GIMAP2: variants seen among roughly 807,000 people sequenced by gnomAD.
GIMAP2 encodes GTPase, IMAP family member 2.
Under a neutral mutation model 25.5 loss-of-function variants are expected in GIMAP2, and 22 were observed. That is an observed-to-expected ratio of 0.86 (90% CI 0.62 to 1.23). The LOEUF is 1.23. Ranked by LOEUF, GIMAP2 falls within the 50% of genes most tolerant of loss-of-function variation. GIMAP2 has a pLI of 0.00. For missense variants in GIMAP2, 422 were observed against 395.7 expected (o/e 1.07, Z -0.56); for synonymous variants, 167 against 143.0 (o/e 1.17, Z -1.20).
In GIMAP2 at chr7:150,692,321, A is replaced by T. The variant is rs564083080; in HGVS notation, c.35A>T (p.His12Leu). The T allele has an allele frequency of 6.2e-7, 1 of 1,613,264 alleles. No individual in the cohort carries two copies. The highest frequency in any genetic ancestry group is 1.1e-5 in the South Asian group (1 of 91,066). The change falls in exon 3 of 3, where the codon CAT (histidine) becomes CTT (leucine). Residue 12 changes from histidine to leucine, a missense_variant. His to Leu is a moderately conservative substitution (Grantham distance 99). Transcript: ENST00000223293. ...GTAAACTTGCTCCTCACAGGACCAC[A>T]TGCAAAGGGCCAATGTGCCAGCAGA... ...DQNEHSHWGP[H>L]AKGQCASRSE...
In GIMAP2 at chr7:150,693,253, T is replaced by A. The variant is rs1489680155; in HGVS notation, c.967T>A (p.Phe323Ile). The A allele has an allele frequency of 3.8e-6, 6 of 1,598,766 alleles. No individual in the cohort carries two copies. The highest frequency in any genetic ancestry group is 5.1e-6 in the Non-Finnish European group (6 of 1,175,396). ...TATTATACCCAAAAAGTTAATGATATTTTTGAGAACAGTTATTAGACTAGA... is the reference window on the plus strand; with the variant it reads ...TATTATACCCAAAAAGTTAATGATAATTTTGAGAACAGTTATTAGACTAGA... Reference protein sequence around the residue: ...LFIIPKKLMIFLRTVIRLERK... With the variant: ...LFIIPKKLMIILRTVIRLERK... Residue 323 changes from phenylalanine (F) to isoleucine (I), a missense_variant, in exon 3 of 3, where the codon TTT becomes ATT. Coordinates refer to ENST00000223293, the MANE Select transcript of GIMAP2 (RefSeq NM_015660.3).
chr7:150,685,823 T>C, intron 1 of GIMAP2, 38 bp downstream of exon 1: 1 of 719,258 alleles, frequency 1.4e-6, no homozygotes, highest in Non-Finnish European at 1.7e-6. Context: ...CAGTGTTGAT[T>C]TCTAGGTCCC....
Position 150,693,275 on chromosome 7 carries a change from T to G in GIMAP2, c.989T>G (p.Leu330Arg). The part of the protein sequence containing the change: ...LMIFLRTVIR[L>R]ERKTPRL ...ATATTTTTGAGAACAGTTATTAGAC[T>G]AGAACGCAAGACTCCTAGGTTATAG... Residue 330 changes from leucine to arginine, a missense_variant, in exon 3 of 3, where the codon CTA becomes CGA. By Grantham distance (102) the Leu-to-Arg change is moderately radical. Coordinates refer to ENST00000223293, the MANE Select transcript of GIMAP2 (RefSeq NM_015660.3). 1 of 1,583,588 alleles carries G rather than the reference T, an allele frequency of 6.3e-7. No individual in the cohort carries two copies. Among genetic ancestry groups the G allele is most frequent in the Non-Finnish European group, 8.6e-7 (1 of 1,169,266 alleles).
In GIMAP2 at chr7:150,686,958, A is replaced by AG. The variant is rs1206278162; in HGVS notation, c.-8-94_-8-93insG. On this transcript the variant is annotated intron_variant, in intron 1 of 2. Coordinates refer to ENST00000223293, the MANE Select transcript of GIMAP2 (RefSeq NM_015660.3). ...AACTGTGTCTCAAAAAAAAAAAAAA[A>AG]AAAAAGAAAGAAAGAAAAAGAAAAG... The AG allele has an allele frequency of 2.9e-3, 2,411 of 839,984 alleles. 2 individuals carry two copies. The highest frequency in any genetic ancestry group is 0.011 in the East Asian group (384 of 34,658). 52.0% of individuals were successfully genotyped at this position (839,984 alleles called of 1,614,324 possible). A position where few individuals can be genotyped will look rare whatever the true frequency, so the allele number is the denominator to read the frequency against.
Position 150,693,210 on chromosome 7 carries a change from A to C in GIMAP2, c.924A>C (p.Leu308Phe), listed in dbSNP as rs758581648. Residue 308 changes from leucine to phenylalanine, a missense_variant, in exon 3 of 3, where the codon TTA becomes TTC. Transcript: ENST00000223293. The part of the protein sequence containing the change: ...FCCLLFSMCN[L>F]FCSLLFIIPK... Reference sequence around the variant, plus strand: ...GCTTACTCTTTAGTATGTGCAATTTATTCTGCAGTTTGCTGTTTATTATAC... The same window carrying C: ...GCTTACTCTTTAGTATGTGCAATTTCTTCTGCAGTTTGCTGTTTATTATAC... The C allele has an allele frequency of 6.2e-7, 1 of 1,610,726 alleles. No individual in the cohort carries two copies. The highest frequency in any genetic ancestry group is 2.2e-5 in the East Asian group (1 of 44,872).
Position 150,685,783 on chromosome 7 carries a change from C to A in GIMAP2, c.-11C>A. 1.0e-6 allele frequency: 1 copy of A among 971,754 alleles called. No individual in the cohort carries two copies. Among genetic ancestry groups the A allele is most frequent in the Non-Finnish European group, 1.2e-6 (1 of 817,436 alleles). 60.2% of individuals were successfully genotyped at this position (971,754 alleles called of 1,614,324 possible). The stretch of plus-strand genomic sequence containing the variant: ...CCAACTGTTTCTTTGAACAGTAAAT[C>A]AGGTAAGCCCAGATTTACGAAAAGT... On this transcript the variant is annotated splice_region_variant and 5_prime_UTR_variant, in exon 1 of 3. Transcript: ENST00000223293.
rs35656746 is a variant in GIMAP2, at chr7:150,687,105, C to CGT, written c.28+67_28+68dup. On this transcript the variant is annotated intron_variant, in intron 2 of 2. Transcript: ENST00000223293. Reference sequence around the variant, plus strand: ...TCACTGGGGTAAGAAGGTGACTTCACGTGTGTGTGTGTGTGTGTGTGTGTG... The same window carrying CGT: ...TCACTGGGGTAAGAAGGTGACTTCACGTGTGTGTGTGTGTGTGTGTGTGTGTG... 41,230 of 1,255,776 alleles carry CGT rather than the reference C, an allele frequency of 0.033. 634 individuals are homozygous for CGT. Among genetic ancestry groups the CGT allele is most frequent in the Admixed American group, 0.07 (3,632 of 52,098 alleles). 77.8% of individuals were successfully genotyped at this position (1,255,776 alleles called of 1,614,324 possible). A position where few individuals can be genotyped will look rare whatever the true frequency, so the allele number is the denominator to read the frequency against.
Position 150,689,579 on chromosome 7 carries a change from A to G in GIMAP2, c.28+2492A>G, listed in dbSNP as rs747616413. 3 of 702,286 alleles carry G rather than the reference A, an allele frequency of 4.3e-6. No homozygotes were observed. The South Asian group carries it at 4.4e-5, about 10-fold the overall frequency. The allele number at this position is 702,286 out of a possible 1,614,324, so 43.5% of individuals were successfully genotyped here. A position where few individuals can be genotyped will look rare whatever the true frequency, so the allele number is the denominator to read the frequency against. On this transcript the variant is annotated intron_variant, in intron 2 of 2. Transcript: ENST00000223293. ...GCTGCTTGGCTGCTGTTTTCAGAAT[A>G]TAGAAATGTGTAATGTAATGCCTGC...
chr7:150,689,513 T>C (rs1427851297), intron 2 of GIMAP2: 2 of 703,136 alleles, frequency 2.8e-6, no homozygotes. Context: ...AAACGTGCAA[T>C]TTGGCTGCCT....
chr7:150,688,884 C>A (rs546542688), intron 2 of GIMAP2, among the ~76,000 whole-genome samples: 17 of 152,350 alleles, frequency 1.1e-4, no homozygotes, highest in African/African-American at 4.1e-4. Flanking sequence ...CCCTCTCTGG[C>A]AGAATTCTCC....
Position 150,685,732 on chromosome 7 carries a change from A to G in GIMAP2, c.-62A>G, listed in dbSNP as rs563570513. 2.2e-3 allele frequency: 2,133 copies of G among 983,962 alleles called. 6 individuals are homozygous for G. The highest frequency in any genetic ancestry group is 3.1e-3 in the Middle Eastern group (6 of 1,910). 61.0% of individuals were successfully genotyped at this position (983,962 alleles called of 1,614,324 possible). A position where few individuals can be genotyped will look rare whatever the true frequency, so the allele number is the denominator to read the frequency against. Reference sequence around the variant, plus strand: ...TTTCTTTTTCTCTTGGAGCTGAGCTATAAGACAACAGGACTGAACAGGGAG... The same window carrying G: ...TTTCTTTTTCTCTTGGAGCTGAGCTGTAAGACAACAGGACTGAACAGGGAG... On this transcript the variant is annotated 5_prime_UTR_variant, in exon 1 of 3. Transcript: ENST00000223293.
intron 2 of GIMAP2, chr7:150,689,490 C>A (rs530524007): frequency 1.4e-6 from 1 of 702,928 alleles, no homozygotes; most frequent in Non-Finnish European, 2.6e-6. Flanking sequence ...TTTTCATAGG[C>A]GAGAGGAAGG....
chr7:150,687,487 G>A (rs1168826063), intron 2 of GIMAP2: 1 of 160,104 alleles, frequency 6.2e-6, no homozygotes, highest in African/African-American at 2.4e-5. Flanking sequence ...ATATTGGTCA[G>A]GCTGGTCTCA....
intron 2 of GIMAP2, chr7:150,687,621 C>A (rs1385737401): frequency 6.6e-6 from 1 of 152,190 alleles, no homozygotes; most frequent in Admixed American, 6.5e-5. Context: ...TGCATCCAGG[C>A]TTTTCCCTTA....
chr7:150,690,350 G>A (rs1433765550), intron 2 of GIMAP2, among the ~76,000 whole-genome samples: 3 of 152,144 alleles, frequency 2.0e-5, no homozygotes, highest in African/African-American at 4.8e-5. Context: ...TCTGGCAAGC[G>A]AAGTTTTCCA....
In GIMAP2 at chr7:150,692,763, C is replaced by T. The variant is rs1484245345; in HGVS notation, c.477C>T (p.Tyr159=). Residue 159 remains tyrosine (Y), a synonymous_variant, in exon 3 of 3, where the codon TAC becomes TAT. Coordinates refer to ENST00000223293, the MANE Select transcript of GIMAP2 (RefSeq NM_015660.3). ...TCAATGGTGGCTCCCTGATGGATTACATGCACGACTCAGATAACAAAGCCC... is the reference window on the plus strand; with the variant it reads ...TCAATGGTGGCTCCCTGATGGATTATATGCACGACTCAGATAACAAAGCCC... The part of the protein sequence containing the change: ...EDLNGGSLMD[Y]MHDSDNKALS... The T allele has an allele frequency of 1.5e-5, 24 of 1,614,098 alleles. No homozygotes were observed. Among genetic ancestry groups the T allele is most frequent in the Non-Finnish European group, 1.9e-5 (23 of 1,180,050 alleles).
At position 150,692,840 on chromosome 7, in the gene GIMAP2, G is replaced by A. The variant is rs772943762; in HGVS notation, c.554G>A (p.Arg185His). The change falls in exon 3 of 3, where the codon CGT (arginine) becomes CAT (histidine). Residue 185 changes from arginine to histidine, a missense_variant. Transcript: ENST00000223293. ...CGGRICAFNN[R>H]AEGSNQDDQV... Reference sequence around the variant, plus strand: ...GGGCGAATCTGTGCCTTTAATAACCGTGCTGAAGGGAGCAATCAGGATGAC... The same window carrying A: ...GGGCGAATCTGTGCCTTTAATAACCATGCTGAAGGGAGCAATCAGGATGAC... 25 of 1,614,080 alleles carry A rather than the reference G, an allele frequency of 1.5e-5. No individual in the cohort carries two copies. Among genetic ancestry groups the A allele is most frequent in the Middle Eastern group, 3.3e-4 (2 of 6,084 alleles).
chr7:150,690,054 G>A (rs1157552183), intron 2 of GIMAP2, among the ~76,000 whole-genome samples: 3 of 152,178 alleles, frequency 2.0e-5, no homozygotes, highest in Non-Finnish European at 4.4e-5. Context: ...TTCTCTTGAT[G>A]GGTGAATTAT....
rs1796985222 is a variant in GIMAP2, at chr7:150,692,858, A to G, written c.572A>G (p.Gln191Arg). 6.2e-7 allele frequency: 1 copy of G among 1,614,242 alleles called. No homozygotes were observed. The highest frequency in any genetic ancestry group is 8.5e-7 in the Non-Finnish European group (1 of 1,180,036). Residue 191 changes from glutamine (Q) to arginine (R), a missense_variant, in exon 3 of 3, where the codon CAG becomes CGG. Physicochemically the swap from Gln to Arg is conservative, Grantham distance 43 (BLOSUM62 1). Coordinates refer to ENST00000223293, the MANE Select transcript of GIMAP2 (RefSeq NM_015660.3). ...AATAACCGTGCTGAAGGGAGCAATC[A>G]GGATGACCAAGTGAAGGAACTAATG... is the stretch of plus-strand genomic sequence containing the variant. ...AFNNRAEGSNQDDQVKELMDC... is the reference protein window; with the variant it reads ...AFNNRAEGSNRDDQVKELMDC...
Sources: gnomAD v4.1 joint callset for allele counts (sites outside exome capture counted in the v4.1 genomes callset) on GRCh38, gnomAD v4.1.1 for gene constraint, MANE v1.5 for transcripts, NCBI Gene and HGNC (gene_info 2026-07-23, HGNC 2026-07-21) for gene names.